The following TBC1D22A variants were observed in gnomAD, a reference collection of about 807,000 sequenced individuals.
TBC1D22A encodes TBC1 domain family member 22A.
Under a neutral mutation model 60.2 loss-of-function variants are expected in TBC1D22A, and 38 were observed. That is an observed-to-expected ratio of 0.63 (90% CI 0.49 to 0.83). The LOEUF is 0.83. Ranked by LOEUF, TBC1D22A falls within the 40% of genes least tolerant of loss-of-function variation. The pLI is 0.00. For synonymous variants in TBC1D22A, 302 were observed against 281.7 expected (o/e 1.07, Z -0.72); for missense variants, 628 against 701.0 (o/e 0.90, Z 1.18).
At chr22:47,024,887 T>C (rs975327316) in intron 10 of TBC1D22A, among the ~76,000 whole-genome samples, 2 of 152,050 alleles carry the variant, frequency 1.3e-5, no homozygotes, top group South Asian at 4.1e-4. Context: ...CCCACAAATA[T>C]GAAGAAGCAA....
At chr22:47,126,476 A>T (rs181528907) in intron 12 of TBC1D22A, among the ~76,000 whole-genome samples, 2 of 152,264 alleles carry the variant, frequency 1.3e-5, no homozygotes, top group East Asian at 3.9e-4. Context: ...GGCCCACAGG[A>T]TCCTGTCTCT....
intron 11 of TBC1D22A, among the ~76,000 whole-genome samples, chr22:47,086,009 T>A (rs1419184585): frequency 6.6e-6 from 1 of 152,204 alleles, no homozygotes. Flanking sequence ...AGATTAAGCA[T>A]TTGAAGCATG....
intron 11 of TBC1D22A, among the ~76,000 whole-genome samples, chr22:47,073,744 C>T (rs778111631): frequency 3.3e-5 from 5 of 152,252 alleles, no homozygotes; most frequent in East Asian, 1.9e-4. Flanking sequence ...GTCTGCGTGT[C>T]GTTAATACAT....
At chr22:46,888,937 G>A (rs8141582) in intron 5 of TBC1D22A, among the ~76,000 whole-genome samples, 85,722 of 152,046 alleles carry the variant, frequency 0.56, 26,989 homozygotes, top group Middle Eastern at 0.78. Flanking sequence ...AACTCCTGAC[G>A]TCGTGATCTG....
intron 8 of TBC1D22A, among the ~76,000 whole-genome samples, chr22:46,954,229 G>T (rs944923130): frequency 6.6e-6 from 1 of 152,232 alleles, no homozygotes; most frequent in East Asian, 1.9e-4. Flanking sequence ...CTTGCAGGCT[G>T]CGTGACTTTG....
chr22:47,142,636 C>T, intron 12 of TBC1D22A, among the ~76,000 whole-genome samples: 1 of 140,198 alleles, frequency 7.1e-6, no homozygotes, highest in East Asian at 2.2e-4. Flanking sequence ...CATTCACCTG[C>T]CCACCATCCA....
Position 46,912,070 on chromosome 22 carries a change from T to C in TBC1D22A, c.901-4T>C, listed in dbSNP as rs1471439557. ...GCTTTACCACCTGTTCCATTTTCTT[T>C]CAGATTTTTGAAAGGATCTTGTTCA... is the stretch of plus-strand genomic sequence containing the variant. On this transcript the variant is annotated splice_region_variant and splice_polypyrimidine_tract_variant and intron_variant, in intron 7 of 12. Coordinates refer to ENST00000337137, the MANE Select transcript of TBC1D22A (RefSeq NM_014346.5). The C allele has an allele frequency of 2.5e-6, 4 of 1,609,126 alleles. No homozygotes were observed. In the South Asian group the frequency reaches 4.5e-5, roughly 18 times the overall value.
chr22:46,855,089 T>C (rs1261318563), intron 4 of TBC1D22A, among the ~76,000 whole-genome samples: 1 of 152,168 alleles, frequency 6.6e-6, no homozygotes, highest in Non-Finnish European at 1.5e-5. Context: ...CCAGGAAGCC[T>C]CCTCCACCTG....
intron 1 of TBC1D22A, among the ~76,000 whole-genome samples, chr22:46,765,954 T>G (rs2083267072): frequency 8.3e-6 from 1 of 120,462 alleles, no homozygotes; most frequent in African/African-American, 3.3e-5. Context: ...GCCCAGCTAA[T>G]TTATGTGTGT....
intron 8 of TBC1D22A, among the ~76,000 whole-genome samples, chr22:46,926,206 TAAA>T (rs998814394): frequency 6.6e-5 from 10 of 152,120 alleles, no homozygotes; most frequent in Non-Finnish European, 1.5e-5. Context: ...CGGACTATAT[TAAA>T]AAAGACCTCA....
intron 7 of TBC1D22A, among the ~76,000 whole-genome samples, chr22:46,905,317 G>A (rs995759334): frequency 5.3e-5 from 8 of 152,250 alleles, no homozygotes; most frequent in African/African-American, 1.9e-4. Flanking sequence ...GGAAGCCTGG[G>A]CCTGGAGGAG....
chr22:47,174,512 CG>C lies in TBC1D22A; in HGVS notation c.*887del, dbSNP rs1392503227. ...CCCTGAACCACAGTGCTCTTCTCACCGCAGCCTGGAAGCGGAATGAGCTTTT... is the reference window on the plus strand; with the variant it reads ...CCCTGAACCACAGTGCTCTTCTCACCCAGCCTGGAAGCGGAATGAGCTTTT... On this transcript the variant is annotated 3_prime_UTR_variant, in exon 13 of 13. Coordinates refer to ENST00000337137, the MANE Select transcript of TBC1D22A (RefSeq NM_014346.5). The C allele has an allele frequency of 1.3e-5, 2 of 152,288 alleles. No individual in the cohort carries two copies. The highest frequency in any genetic ancestry group is 4.8e-5 in the African/African-American group (2 of 41,476). The allele number at this position is 152,288 out of a possible 1,614,324, so 9.4% of individuals were successfully genotyped here.
chr22:46,970,622 C>T (rs375150046), intron 8 of TBC1D22A, among the ~76,000 whole-genome samples: 5 of 152,222 alleles, frequency 3.3e-5, no homozygotes, highest in Non-Finnish European at 7.3e-5. Flanking sequence ...TTCTCGTTCT[C>T]CCTCCTTGCC....
chr22:46,961,490 T>C (rs1305889697), intron 8 of TBC1D22A, among the ~76,000 whole-genome samples: 4 of 152,248 alleles, frequency 2.6e-5, no homozygotes, highest in Non-Finnish European at 5.9e-5. Flanking sequence ...TTAGAGCTTG[T>C]ATCCACATGA....
At chr22:47,083,736 C>T (rs951414261) in intron 11 of TBC1D22A, among the ~76,000 whole-genome samples, 7 of 152,182 alleles carry the variant, frequency 4.6e-5, no homozygotes, top group African/African-American at 1.7e-4. Context: ...AAGAACCATC[C>T]CACACACTGG....
intron 10 of TBC1D22A, among the ~76,000 whole-genome samples, chr22:47,010,287 G>GGATA (rs2061716024): frequency 1.3e-5 from 2 of 152,290 alleles, no homozygotes; most frequent in South Asian, 4.2e-4. Context: ...GAGAAGCAGA[G>GGATA]GATAAATCAG....
At position 47,153,575 on chromosome 22, in the gene TBC1D22A, C is replaced by T. The variant is rs115259708; in HGVS notation, c.1426-19923C>T. On this transcript the variant is annotated intron_variant, in intron 12 of 12. Coordinates refer to ENST00000337137, the MANE Select transcript of TBC1D22A (RefSeq NM_014346.5). ...GTAAGGAGGCGGCCATGCAGGTGGA[C>T]GGGCAAGGGAAAAGGGAGGAGCTGT... Among the ~76,000 whole-genome samples the T allele has an allele frequency of 5.6e-3, 843 of 151,828 alleles. 10 individuals are homozygous for T. Among genetic ancestry groups the T allele is most frequent in the African/African-American group, 0.019 (793 of 41,392 alleles).
At chr22:47,158,258 C>A (rs755908726) in intron 12 of TBC1D22A, among the ~76,000 whole-genome samples, 1 of 152,218 alleles carries the variant, frequency 6.6e-6, no homozygotes, top group African/African-American at 2.4e-5. Flanking sequence ...ATCAGCTCTA[C>A]GTGACCCAGA....
At chr22:47,113,594 G>A (rs946274357) in intron 12 of TBC1D22A, among the ~76,000 whole-genome samples, 39 of 152,234 alleles carry the variant, frequency 2.6e-4, no homozygotes, top group African/African-American at 8.9e-4. Context: ...ATTCTGGTTG[G>A]GGAGAGAGAA....
Sources: allele counts gnomAD v4.1 joint callset (sites outside exome capture counted in the v4.1 genomes callset), GRCh38; gene constraint gnomAD v4.1.1; transcripts MANE v1.5; gene names NCBI Gene and HGNC (gene_info 2026-07-23, HGNC 2026-07-21).